Variants in JMJD7 observed in about 807,000 individuals in gnomAD.
The protein encoded by JMJD7 is bifunctional peptidase and (3S)-lysyl hydroxylase JMJD7.
In JMJD7, 41 loss-of-function variants were observed where a neutral mutation model predicts 41.1. The ratio of observed to expected loss-of-function variants is 1.00; its 90% CI spans 0.78 to 1.30. The LOEUF (loss-of-function observed/expected upper bound fraction) is 1.30. Ranked by LOEUF, JMJD7 falls within the 50% of genes most tolerant of loss-of-function variation. The pLI is 0.00. For missense variants in JMJD7, 480 were observed against 420.7 expected (o/e 1.14, Z -1.23); for synonymous variants, 202 against 177.2 (o/e 1.14, Z -1.11).
intron 1 of JMJD7, among the ~76,000 whole-genome samples, chr15:41,829,528 A>G (rs1266058598): frequency 6.6e-6 from 1 of 152,168 alleles, no homozygotes; most frequent in Non-Finnish European, 1.5e-5. Context: ...TCCTCAAACA[A>G]TCCTTCCACC....
chr15:41,832,223 C>G (rs929051412), intron 1 of JMJD7, among the ~76,000 whole-genome samples: 2 of 152,228 alleles, frequency 1.3e-5, no homozygotes, highest in Admixed American at 6.5e-5. Context: ...CTCGCTGCCC[C>G]ACTCGCCCTT....
chr15:41,832,333 C>A, intron 1 of JMJD7: 1 of 184,030 alleles, frequency 5.4e-6, no homozygotes, highest in Non-Finnish European at 1.1e-5. Flanking sequence ...GCATCACTGG[C>A]CACAGAGGTT....
chr15:41,833,393 C>CAT (rs55860712), intron 1 of JMJD7, among the ~76,000 whole-genome samples: 2,854 of 50,472 alleles, frequency 0.057, 421 homozygotes, highest in Non-Finnish European at 0.09. Context: ...AGGTGAAATA[C>CAT]ATATATATAT....
At chr15:41,836,126 CG>C (rs776283255) in intron 4 of JMJD7, 21 bp from the exon 5 acceptor site, 2 of 1,571,944 alleles carry the variant, frequency 1.3e-6, no homozygotes, top group Non-Finnish European at 1.7e-6. Flanking sequence ...ACCCTGCCCC[CG>C]GGCCTTCTTT....
intron 1 of JMJD7, chr15:41,829,283 C>T (rs1039759480): frequency 8.5e-5 from 13 of 152,260 alleles, no homozygotes; most frequent in Admixed American, 8.5e-4. Flanking sequence ...GCAGCGTCTT[C>T]TGCGCATGTG....
Position 41,834,858 on chromosome 15 carries a change from G to T in JMJD7, c.183G>T (p.Trp61Cys), listed in dbSNP as rs773108363. 1 of 1,614,092 alleles carries T rather than the reference G, an allele frequency of 6.2e-7. No individual in the cohort carries two copies. Among genetic ancestry groups the T allele is most frequent in the Non-Finnish European group, 8.5e-7 (1 of 1,180,038 alleles). The part of the protein sequence containing the change: ...PCIIRNALQH[W>C]PALQKWSLPY... ...TTATCCGCAACGCTCTGCAGCACTGGCCGGCCCTCCAGAAGTGGTCCCTCC... is the reference window on the plus strand; with the variant it reads ...TTATCCGCAACGCTCTGCAGCACTGTCCGGCCCTCCAGAAGTGGTCCCTCC... The change falls in exon 2 of 8, where the codon TGG (tryptophan) becomes TGT (cysteine). Residue 61 changes from tryptophan (W) to cysteine (C), a missense_variant. Transcript: ENST00000397299.
At position 41,834,798 on chromosome 15, in the gene JMJD7, C is replaced by T; in HGVS notation, c.123C>T (p.Phe41=). The change falls in exon 2 of 8, where the codon TTC becomes TTT. Residue 41 remains phenylalanine, a synonymous_variant. Transcript: ENST00000397299. ...ACAAACCCCCAACTCCGCTCCACTT[C>T]TACCGGGACTGGGTCTGCCCCAACA... ...YLDKPPTPLH[F]YRDWVCPNRP... 1 of 1,614,232 alleles carries T rather than the reference C, an allele frequency of 6.2e-7. No individual in the cohort carries two copies. Among genetic ancestry groups the T allele is most frequent in the Non-Finnish European group, 8.5e-7 (1 of 1,180,044 alleles).
intron 5 of JMJD7, 78 bp from the exon 6 acceptor site, chr15:41,836,397 G>C (rs760297414): frequency 6.4e-7 from 1 of 1,553,422 alleles, no homozygotes; most frequent in Admixed American, 1.9e-5. Flanking sequence ...CCTGCCCAGG[G>C]CTGGCTGGGG....
chr15:41,834,862 G>GC lies in JMJD7; in HGVS notation c.190dup (p.Leu64ProfsTer41), dbSNP rs1351432137. The GC allele has an allele frequency of 1.2e-6, 2 of 1,614,080 alleles. No homozygotes were observed. Among genetic ancestry groups the GC allele is most frequent in the Non-Finnish European group, 1.7e-6 (2 of 1,180,036 alleles). On this transcript the variant is annotated frameshift_variant, in exon 2 of 8. Transcript: ENST00000397299. LOFTEE classifies it high-confidence loss of function. ...CCGCAACGCTCTGCAGCACTGGCCG[G>GC]CCCTCCAGAAGTGGTCCCTCCCCTA... is the stretch of plus-strand genomic sequence containing the variant.
intron 5 of JMJD7, 91 bp from the exon 6 acceptor site, chr15:41,836,384 G>A: frequency 6.4e-7 from 1 of 1,553,424 alleles, no homozygotes; most frequent in Non-Finnish European, 8.7e-7. Context: ...TGATCCCCTT[G>A]CCCCTGCCCA....
chr15:41,834,284 C>T (rs2065276518), intron 1 of JMJD7, among the ~76,000 whole-genome samples: 3 of 152,266 alleles, frequency 2.0e-5, no homozygotes, highest in African/African-American at 7.2e-5. Context: ...ATTCCTGGTG[C>T]TCAGTAAATG....
chr15:41,830,872 G>A (rs1220053925), intron 1 of JMJD7, among the ~76,000 whole-genome samples: 3 of 152,374 alleles, frequency 2.0e-5, no homozygotes, highest in Admixed American at 6.5e-5. Context: ...TGGGAGGGAG[G>A]CCAAGAGGGG....
intron 7 of JMJD7, 49 bp from the exon 8 acceptor site, chr15:41,837,019 C>T (rs377310251): frequency 6.2e-7 from 1 of 1,609,908 alleles, no homozygotes; most frequent in East Asian, 2.2e-5. Context: ...TTGGGAGGCT[C>T]TAGGTCAGAA....
chr15:41,830,941 C>G (rs1033255296), intron 1 of JMJD7, among the ~76,000 whole-genome samples: 1 of 152,192 alleles, frequency 6.6e-6, no homozygotes, highest in Non-Finnish European at 1.5e-5. Context: ...GCTTGGGTGC[C>G]GTGAATGGTG....
At position 41,832,726 on chromosome 15, in the gene JMJD7, G is replaced by A. The variant is rs546697190; in HGVS notation, c.65-2014G>A. 7.2e-5 allele frequency among the ~76,000 whole-genome samples: 11 copies of A among 152,334 alleles called. No homozygotes were observed. In the East Asian group the frequency reaches 1.5e-3, roughly 21 times the overall value. On this transcript the variant is annotated intron_variant, in intron 1 of 7. Coordinates refer to ENST00000397299, the MANE Select transcript of JMJD7 (RefSeq NM_001114632.2). ...AGAACATTCACTTTCCAACTGATCA[G>A]AAAGTAAAGGTGACTGGCATGGTGT...
At chr15:41,830,985 G>T (rs775914788) in intron 1 of JMJD7, among the ~76,000 whole-genome samples, 1 of 152,226 alleles carries the variant, frequency 6.6e-6, no homozygotes, top group African/African-American at 2.4e-5. Context: ...GTGGAAGGTG[G>T]CGGGTCCCGG....
At chr15:41,835,671 G>T (rs752445709) in intron 4 of JMJD7, 27 bp downstream of exon 4, 1 of 1,608,838 alleles carries the variant, frequency 6.2e-7, no homozygotes, top group Non-Finnish European at 8.5e-7. Flanking sequence ...TACAAAGGTG[G>T]GGAAGGAGCA....
chr15:41,836,602 C>T (rs1489394897), intron 6 of JMJD7, 51 bp downstream of exon 6: 3 of 1,496,852 alleles, frequency 2.0e-6, no homozygotes, highest in Admixed American at 4.6e-5. Flanking sequence ...AGAAGCCTGG[C>T]TCTGAAGAAC....
At chr15:41,833,414 A>ATTTTTTTTTTTTTT (rs67111164) in intron 1 of JMJD7, among the ~76,000 whole-genome samples, 4 of 32,012 alleles carry the variant, frequency 1.2e-4, no homozygotes, top group African/African-American at 1.9e-4. Context: ...ATATATATAT[A>ATTTTTTTTTTTTTT]TTTTTTTTTT....
Sources: allele counts gnomAD v4.1 joint callset (sites outside exome capture counted in the v4.1 genomes callset), GRCh38; gene constraint gnomAD v4.1.1; transcripts MANE v1.5; gene names NCBI Gene and HGNC (gene_info 2026-07-23, HGNC 2026-07-21).